The following SHISA9 variants were observed in gnomAD, a reference collection of about 807,000 sequenced individuals.
The protein encoded by SHISA9 is shisa family member 9.
In SHISA9, 13 loss-of-function variants were observed where a neutral mutation model predicts 38.0. The ratio of observed to expected loss-of-function variants is 0.34; its 90% CI spans 0.22 to 0.54. The LOEUF (loss-of-function observed/expected upper bound fraction) is 0.54. Ranked by LOEUF, SHISA9 falls within the 20% of genes least tolerant of loss-of-function variation. SHISA9 has a pLI of 0.91. For missense variants in SHISA9, 538 were observed against 575.8 expected, an observed-to-expected ratio of 0.93 and a Z score of 0.67; for synonymous variants, 275 against 242.0, an observed-to-expected ratio of 1.14 and a Z score of -1.27.
intron 2 of SHISA9, among the ~76,000 whole-genome samples, chr16:13,061,197 A>G (rs2073371109): frequency 1.3e-5 from 2 of 152,170 alleles, no homozygotes; most frequent in African/African-American, 4.8e-5. Context: ...TACAGGCAAG[A>G]CCTACTAGAA....
intron 2 of SHISA9, among the ~76,000 whole-genome samples, chr16:13,074,415 C>T (rs1009306714): frequency 6.6e-6 from 1 of 152,130 alleles, no homozygotes. Flanking sequence ...TTCTTACCCA[C>T]CCAAGGATCA....
chr16:12,969,271 A>G (rs545632488), intron 2 of SHISA9, among the ~76,000 whole-genome samples: 84 of 151,848 alleles, frequency 5.5e-4, no homozygotes, highest in Non-Finnish European at 1.0e-3. Context: ...TGAACCTGCC[A>G]TGGAATTTGT....
chr16:13,210,625 C>G (rs1254444015), intron 3 of SHISA9, among the ~76,000 whole-genome samples: 1 of 152,186 alleles, frequency 6.6e-6, no homozygotes, highest in Non-Finnish European at 1.5e-5. Context: ...ACATGAGGCA[C>G]TTGGCCATGG....
the SHISA9 span, among the ~76,000 whole-genome samples, chr16:13,464,164 A>G: frequency 6.6e-6 from 1 of 152,150 alleles, no homozygotes; most frequent in African/African-American, 2.4e-5. Flanking sequence ...TTTATAGAGT[A>G]ATTGTGAGGA....
intron 2 of SHISA9, among the ~76,000 whole-genome samples, chr16:13,003,686 C>T (rs1216208872): frequency 6.6e-6 from 1 of 151,992 alleles, no homozygotes; most frequent in Admixed American, 6.6e-5. Flanking sequence ...GGTGAAACCC[C>T]ATCTCTACTA....
In SHISA9 at chr16:12,929,225, G is replaced by A. The variant is rs1334370520; in HGVS notation, c.691+12410G>A. On this transcript the variant is annotated intron_variant, in intron 2 of 4. Coordinates refer to ENST00000558583, the MANE Select transcript of SHISA9 (RefSeq NM_001145204.3). Reference sequence around the variant, plus strand: ...ATTAGTTCAACCATTGTGGGAGACAGTGTGGTGAGTCCTCAAAGATCTAGA... The same window carrying A: ...ATTAGTTCAACCATTGTGGGAGACAATGTGGTGAGTCCTCAAAGATCTAGA... 2.6e-5 allele frequency among the ~76,000 whole-genome samples: 4 copies of A among 152,244 alleles called. No individual in the cohort carries two copies. In the East Asian group the frequency reaches 5.8e-4, roughly 22 times the overall value.
chr16:13,529,464 A>G, the SHISA9 span, among the ~76,000 whole-genome samples: 1 of 152,220 alleles, frequency 6.6e-6, no homozygotes, highest in Non-Finnish European at 1.5e-5. Flanking sequence ...ACTTCAAGAT[A>G]TCTCACCATT....
intron 2 of SHISA9, among the ~76,000 whole-genome samples, chr16:13,137,907 G>A (rs939405466): frequency 6.6e-6 from 1 of 152,046 alleles, no homozygotes; most frequent in African/African-American, 2.4e-5. Flanking sequence ...TGTTTTCATG[G>A]CTAACTCGTA....
At chr16:13,025,695 A>T (rs1267286055) in intron 2 of SHISA9, among the ~76,000 whole-genome samples, 1 of 152,246 alleles carries the variant, frequency 6.6e-6, no homozygotes, top group Non-Finnish European at 1.5e-5. Flanking sequence ...GACGTAGGTC[A>T]CATGCTGACC....
intron 2 of SHISA9, among the ~76,000 whole-genome samples, chr16:13,113,959 G>A (rs748143242): frequency 2.0e-5 from 3 of 152,058 alleles, no homozygotes; most frequent in East Asian, 1.9e-4. Context: ...TCAGCAAAGC[G>A]CTTACCATGG....
intron 2 of SHISA9, among the ~76,000 whole-genome samples, chr16:13,001,128 A>G (rs1037895738): frequency 1.3e-5 from 2 of 152,200 alleles, no homozygotes; most frequent in South Asian, 4.1e-4. Flanking sequence ...GGGTTTCACC[A>G]TGTTGGCCAG....
At chr16:13,157,493 A>G (rs891061919) in intron 2 of SHISA9, among the ~76,000 whole-genome samples, 1 of 152,252 alleles carries the variant, frequency 6.6e-6, no homozygotes, top group African/African-American at 2.4e-5. Context: ...TCAGTAAAAC[A>G]GAGATCACAA....
intron 2 of SHISA9, among the ~76,000 whole-genome samples, chr16:13,045,492 CAAG>C (rs1212744894): frequency 6.6e-6 from 1 of 152,052 alleles, no homozygotes; most frequent in Non-Finnish European, 1.5e-5. Flanking sequence ...ATTATTCACT[CAAG>C]AAATATTTAT....
downstream of SHISA9, among the ~76,000 whole-genome samples, chr16:13,241,921 T>G (rs566822782): frequency 6.6e-6 from 1 of 152,162 alleles, no homozygotes; most frequent in African/African-American, 2.4e-5. Flanking sequence ...GCCCCAAGAA[T>G]GTAGTCATAG....
chr16:13,530,928 T>G, the SHISA9 span, among the ~76,000 whole-genome samples: 1 of 152,212 alleles, frequency 6.6e-6, no homozygotes, highest in Non-Finnish European at 1.5e-5. Flanking sequence ...TCAAGGAATC[T>G]CTTCCATTTC....
the SHISA9 span, among the ~76,000 whole-genome samples, chr16:13,313,031 G>A: frequency 2.0e-5 from 3 of 151,614 alleles, no homozygotes; most frequent in African/African-American, 7.3e-5. Context: ...CGAGGCGGGC[G>A]GATCACGAGG....
the SHISA9 span, among the ~76,000 whole-genome samples, chr16:13,427,694 A>G: frequency 2.0e-5 from 3 of 152,146 alleles, no homozygotes; most frequent in Admixed American, 2.0e-4. Flanking sequence ...CTTGAGAGAA[A>G]GAGATGAGTA....
At chr16:13,508,037 T>C in the SHISA9 span, among the ~76,000 whole-genome samples, 1 of 152,204 alleles carries the variant, frequency 6.6e-6, no homozygotes, top group Non-Finnish European at 1.5e-5. Context: ...CCAATAAATT[T>C]TGTATCTTTC....
chr16:13,524,460 T>C, the SHISA9 span, among the ~76,000 whole-genome samples: 1 of 152,208 alleles, frequency 6.6e-6, no homozygotes, highest in Non-Finnish European at 1.5e-5. Context: ...TTTCAGCCTC[T>C]TGAAGATAGC....
Sources: allele counts gnomAD v4.1 joint callset (sites outside exome capture counted in the v4.1 genomes callset), GRCh38; gene constraint gnomAD v4.1.1; transcripts MANE v1.5; gene names NCBI Gene and HGNC (gene_info 2026-07-23, HGNC 2026-07-21).